Variants in C12orf42 observed in about 807,000 individuals in gnomAD.
C12orf42 encodes the protein chromosome 12 open reading frame 42.
C12orf42 carries 25 observed loss-of-function variants against 21.6 expected under a neutral mutation model. That is an observed-to-expected ratio of 1.16 (90% CI 0.84 to 1.62). The LOEUF (loss-of-function observed/expected upper bound fraction) is 1.62. C12orf42 is among the 40% of genes most tolerant of loss of function. The pLI is 0.00. For missense variants in C12orf42, 483 were observed against 459.3 expected (o/e 1.05, Z -0.47); for synonymous variants, 174 against 175.0 (o/e 0.99, Z 0.05).
chr12:103,489,156 T>C (rs567693253), intron 1 of C12orf42, among the ~76,000 whole-genome samples: 10 of 152,326 alleles, frequency 6.6e-5, no homozygotes, highest in African/African-American at 2.4e-4. Context: ...TTTGTTGATG[T>C]TAATGCTATT....
chr12:103,401,272 A>G (rs1242860985), intron 3 of C12orf42, among the ~76,000 whole-genome samples: 1 of 152,142 alleles, frequency 6.6e-6, no homozygotes, highest in Non-Finnish European at 1.5e-5. Flanking sequence ...AGATAAAATT[A>G]TTGCCCTAGT....
At chr12:103,209,338 G>A in the C12orf42 span, among the ~76,000 whole-genome samples, 1 of 152,078 alleles carries the variant, frequency 6.6e-6, no homozygotes, top group African/African-American at 2.4e-5. Context: ...AAATACATAC[G>A]TCTTAATTGT....
At chr12:103,289,324 A>G (rs896409144) in intron 4 of C12orf42, among the ~76,000 whole-genome samples, 1 of 152,116 alleles carries the variant, frequency 6.6e-6, no homozygotes, top group African/African-American at 2.4e-5. Flanking sequence ...ATATTTTCTA[A>G]CTAATATTAT....
the C12orf42 span, among the ~76,000 whole-genome samples, chr12:103,047,715 G>A: frequency 6.6e-6 from 1 of 152,166 alleles, no homozygotes; most frequent in Non-Finnish European, 1.5e-5. Context: ...GCTGATCTTG[G>A]TTGGGCTTAT....
the C12orf42 span, among the ~76,000 whole-genome samples, chr12:103,230,456 G>C: frequency 1.3e-5 from 2 of 152,138 alleles, no homozygotes; most frequent in African/African-American, 4.8e-5. Flanking sequence ...CTTCATCTTT[G>C]CCATAGTCTA....
chr12:103,163,722 C>T, the C12orf42 span, among the ~76,000 whole-genome samples: 1 of 152,272 alleles, frequency 6.6e-6, no homozygotes, highest in East Asian at 1.9e-4. Context: ...GTAGGTTTGC[C>T]TGGATGTTCA....
downstream of C12orf42, among the ~76,000 whole-genome samples, chr12:103,266,284 A>G (rs975424100): frequency 1.3e-5 from 2 of 152,158 alleles, no homozygotes. Flanking sequence ...ACATAAAACA[A>G]AAGCCCAAGA....
chr12:103,377,212 T>A (rs74922356), intron 3 of C12orf42, among the ~76,000 whole-genome samples: 4,615 of 152,100 alleles, frequency 0.03, 204 homozygotes, highest in African/African-American at 0.1. Context: ...GTAGTTTCAG[T>A]GTCTTCTGAG....
At chr12:103,381,655 C>T (rs183381355) in intron 3 of C12orf42, among the ~76,000 whole-genome samples, 29 of 152,298 alleles carry the variant, frequency 1.9e-4, no homozygotes, top group African/African-American at 4.6e-4. Flanking sequence ...TGGTGGCTCA[C>T]GCCTGTAACC....
At chr12:103,253,877 G>T in intron 10 of C12orf42, among the ~76,000 whole-genome samples, 1 of 151,368 alleles carries the variant, frequency 6.6e-6, no homozygotes, top group South Asian at 2.1e-4. Context: ...CTAGATGTTA[G>T]GCCTTTGTCA....
chr12:103,314,922 T>C (rs2136708777), intron 4 of C12orf42, among the ~76,000 whole-genome samples: 1 of 152,310 alleles, frequency 6.6e-6, no homozygotes, highest in African/African-American at 2.4e-5. Context: ...CAACAGGGCT[T>C]CAGTATAATA....
At chr12:103,484,405 A>T (rs1396136930) in intron 1 of C12orf42, among the ~76,000 whole-genome samples, 2 of 152,208 alleles carry the variant, frequency 1.3e-5, no homozygotes, top group Admixed American at 1.3e-4. Flanking sequence ...CATTTCTCTG[A>T]TGACCAGTGG....
At chr12:103,129,738 G>C in the C12orf42 span, among the ~76,000 whole-genome samples, 1 of 152,126 alleles carries the variant, frequency 6.6e-6, no homozygotes, top group East Asian at 1.9e-4. Flanking sequence ...AGTCTTCACT[G>C]TCCTCCATAC....
At chr12:103,495,410 C>G (rs1334406601) in intron 1 of C12orf42, among the ~76,000 whole-genome samples, 1 of 151,970 alleles carries the variant, frequency 6.6e-6, no homozygotes, top group African/African-American at 2.4e-5. Context: ...CTCCGCCCGG[C>G]CCCTCCCCCG....
chr12:103,274,979 T>C (rs1014180648), intron 5 of C12orf42, among the ~76,000 whole-genome samples: 1 of 152,152 alleles, frequency 6.6e-6, no homozygotes, highest in Non-Finnish European at 1.5e-5. Flanking sequence ...GTTTCATTCA[T>C]GAGAAAAGAG....
intron 4 of C12orf42, among the ~76,000 whole-genome samples, chr12:103,345,529 T>C (rs2042541846): frequency 6.6e-6 from 1 of 152,228 alleles, no homozygotes; most frequent in Admixed American, 6.5e-5. Context: ...TATGGGATTA[T>C]GTTTGCCTCT....
intron 2 of C12orf42, among the ~76,000 whole-genome samples, chr12:103,459,021 G>A (rs193043867): frequency 1.3e-4 from 20 of 152,182 alleles, no homozygotes; most frequent in Non-Finnish European, 2.5e-4. Flanking sequence ...TGACCCTGAG[G>A]GAAGGAGAGA....
chr12:103,401,312 CAA>C (rs1437288951), intron 3 of C12orf42, among the ~76,000 whole-genome samples: 2 of 152,128 alleles, frequency 1.3e-5, no homozygotes, highest in Non-Finnish European at 2.9e-5. Context: ...ACAGGCACTG[CAA>C]AGACCCCTAA....
the C12orf42 span, among the ~76,000 whole-genome samples, chr12:103,057,378 T>A: frequency 6.6e-6 from 1 of 152,078 alleles, no homozygotes; most frequent in Non-Finnish European, 1.5e-5. Context: ...CAGGCCCTGG[T>A]GTGTGTTGTT....
Sources: allele counts gnomAD v4.1 joint callset (sites outside exome capture counted in the v4.1 genomes callset), GRCh38; gene constraint gnomAD v4.1.1; transcripts MANE v1.5; gene names NCBI Gene and HGNC (gene_info 2026-07-23, HGNC 2026-07-21).